CTDSPL: variants seen among roughly 807,000 people sequenced by gnomAD.
CTDSPL encodes the protein CTD small phosphatase-like protein.
A neutral mutation model predicts 30.5 loss-of-function variants in CTDSPL; 8 were observed. That is an observed-to-expected ratio of 0.26 (90% confidence interval 0.15 to 0.47). CTDSPL has a LOEUF of 0.47. CTDSPL is among the 20% of genes least tolerant of loss of function. CTDSPL has a pLI of 0.99. For synonymous variants in CTDSPL, 110 were observed against 137.9 expected, an observed-to-expected ratio of 0.80 and a Z score of 1.42; for missense variants, 248 against 366.1, an observed-to-expected ratio of 0.68 and a Z score of 2.63.
At chr3:37,950,196 C>T (rs979214490) in intron 2 of CTDSPL, among the ~76,000 whole-genome samples, 5 of 152,186 alleles carry the variant, frequency 3.3e-5, no homozygotes, top group Admixed American at 1.3e-4. Context: ...GCCATGAAAA[C>T]AGCACTCCTT....
intron 1 of CTDSPL, among the ~76,000 whole-genome samples, chr3:37,919,440 G>A (rs1018393541): frequency 1.3e-5 from 2 of 152,174 alleles, no homozygotes; most frequent in Admixed American, 1.3e-4. Context: ...CAACATGACA[G>A]AAAGACAGGT....
In CTDSPL at chr3:37,862,239, A is replaced by C. The variant is rs596962; in HGVS notation, c.40A>C (p.Lys14Gln). Reference protein sequence around the residue: ...PAIITQVTNPKEDEGRLPGAG... With the variant: ...PAIITQVTNPQEDEGRLPGAG... ...CATCATCACCCAGGTGACCAACCCC[A>C]AGGAGGACGAGGGCCGGTTGCCGGG... Residue 14 changes from lysine (K) to glutamine (Q), a missense_variant, in exon 1 of 8, where the codon AAG (lysine) becomes CAG (glutamine). Lys to Gln is a moderately conservative substitution (Grantham distance 53). Around this residue, in one of 4 missense-constraint regions of CTDSPL, gnomAD observed 118 missense variants for 124.7 expected, o/e 0.95. Coordinates refer to ENST00000273179, the MANE Select transcript of CTDSPL (RefSeq NM_001008392.2). The surrounding 1 kb of genome is among the most constrained non-coding windows in gnomAD (Gnocchi z 4.3). The C allele has an allele frequency of 1.3e-6, 2 of 1,484,008 alleles. No homozygotes were observed. Among genetic ancestry groups the C allele is most frequent in the East Asian group, 2.9e-5 (1 of 34,428 alleles). The allele number at this position is 1,484,008 out of a possible 1,614,324, so 91.9% of individuals were successfully genotyped here. A position where few individuals can be genotyped will look rare whatever the true frequency, so the allele number is the denominator to read the frequency against.
At chr3:37,908,986 G>A (rs560797179) in intron 1 of CTDSPL, among the ~76,000 whole-genome samples, 36 of 152,192 alleles carry the variant, frequency 2.4e-4, no homozygotes, top group African/African-American at 7.7e-4. Flanking sequence ...AGTCTTTGTC[G>A]TAATTACTAC....
intron 1 of CTDSPL, among the ~76,000 whole-genome samples, chr3:37,931,252 A>G (rs1193759225): frequency 1.3e-5 from 2 of 151,694 alleles, no homozygotes; most frequent in South Asian, 4.2e-4. Context: ...GGCTCAAGCA[A>G]TCCTCCCACC....
intron 1 of CTDSPL, among the ~76,000 whole-genome samples, chr3:37,901,613 T>C (rs1698451519): frequency 6.6e-6 from 1 of 152,218 alleles, no homozygotes; most frequent in Non-Finnish European, 1.5e-5. Context: ...TGATATGTCA[T>C]GTGCTTTACC....
chr3:37,983,546 A>G lies in CTDSPL; in HGVS notation c.*2679A>G, dbSNP rs1016522849. ...CCCCCAACTCTTTAGCCAAAAGAGAACCCTGACCTCCTGAGTTTCCATGCT... is the reference window on the plus strand; with the variant it reads ...CCCCCAACTCTTTAGCCAAAAGAGAGCCCTGACCTCCTGAGTTTCCATGCT... On this transcript the variant is annotated 3_prime_UTR_variant, in exon 8 of 8. Coordinates refer to ENST00000273179, the MANE Select transcript of CTDSPL (RefSeq NM_001008392.2). 1 of 152,648 alleles carries G rather than the reference A, an allele frequency of 6.6e-6. No individual in the cohort carries two copies. Among genetic ancestry groups the G allele is most frequent in the Non-Finnish European group, 1.5e-5 (1 of 68,054 alleles). The allele number at this position is 152,648 out of a possible 1,614,324, so 9.5% of individuals were successfully genotyped here. A position where few individuals can be genotyped will look rare whatever the true frequency, so the allele number is the denominator to read the frequency against.
chr3:37,928,314 C>T (rs1373098750), intron 1 of CTDSPL, among the ~76,000 whole-genome samples: 1 of 152,224 alleles, frequency 6.6e-6, no homozygotes, highest in Non-Finnish European at 1.5e-5. Flanking sequence ...TACTGTTTTC[C>T]ACAGCAGCTA....
rs1697956495 is a variant in CTDSPL, at chr3:37,862,605, T to G, written c.79+327T>G. 6.6e-6 allele frequency among the ~76,000 whole-genome samples: 1 copy of G among 152,140 alleles called. No homozygotes were observed. Among genetic ancestry groups the G allele is most frequent in the African/African-American group, 2.4e-5 (1 of 41,422 alleles). On this transcript the variant is annotated intron_variant, in intron 1 of 7. Coordinates refer to ENST00000273179, the MANE Select transcript of CTDSPL (RefSeq NM_001008392.2). The surrounding 1 kb of genome is among the most constrained non-coding windows in gnomAD (Gnocchi z 4.3). ...ACACAGAGGTTCTAAGTGTGTGCAC[T>G]TGTATGTGTGTGTGCACACGCGGAC... is the stretch of plus-strand genomic sequence containing the variant.
At chr3:37,909,196 A>G (rs772091659) in intron 1 of CTDSPL, among the ~76,000 whole-genome samples, 18 of 152,232 alleles carry the variant, frequency 1.2e-4, no homozygotes, top group Non-Finnish European at 1.9e-4. Flanking sequence ...CTTTGAAGGT[A>G]GACAAAGCCA....
intron 1 of CTDSPL, among the ~76,000 whole-genome samples, chr3:37,886,755 G>A (rs1438767749): frequency 1.3e-5 from 2 of 152,168 alleles, no homozygotes; most frequent in African/African-American, 4.8e-5. Context: ...AAGCCCCAGA[G>A]ACCAAAACAG....
At chr3:37,929,181 C>T (rs1356164041) in intron 1 of CTDSPL, among the ~76,000 whole-genome samples, 6 of 152,182 alleles carry the variant, frequency 3.9e-5, no homozygotes. Flanking sequence ...ATTACCATAG[C>T]TTTGTAATTT....
intron 7 of CTDSPL, among the ~76,000 whole-genome samples, chr3:37,976,148 T>C (rs1699425277): frequency 6.6e-6 from 1 of 151,998 alleles, no homozygotes; most frequent in African/African-American, 2.4e-5. Flanking sequence ...AGTGTGGCAA[T>C]ATATAAAAAG....
At chr3:37,944,686 G>A (rs976453731) in intron 1 of CTDSPL, 1 of 150,250 alleles carries the variant, frequency 6.7e-6, no homozygotes, top group Non-Finnish European at 1.5e-5. Flanking sequence ...CCTCCAAGAG[G>A]TTCCTGCAGG....
At chr3:37,873,316 G>T (rs551681700) in intron 1 of CTDSPL, among the ~76,000 whole-genome samples, 45 of 152,180 alleles carry the variant, frequency 3.0e-4, no homozygotes, top group Admixed American at 6.5e-4. Flanking sequence ...TTTCTGTCTT[G>T]CTAGACTGCC....
intron 1 of CTDSPL, among the ~76,000 whole-genome samples, chr3:37,923,609 A>G (rs530170351): frequency 1.3e-5 from 2 of 152,348 alleles, no homozygotes; most frequent in East Asian, 3.9e-4. Flanking sequence ...AGGTTAAGGA[A>G]CAAATAACTT....
intron 1 of CTDSPL, among the ~76,000 whole-genome samples, chr3:37,889,138 T>G (rs1349860110): frequency 1.3e-5 from 2 of 152,184 alleles, no homozygotes; most frequent in African/African-American, 4.8e-5. Flanking sequence ...GATGGCTGAG[T>G]AGCAGGCAGT....
intron 6 of CTDSPL, among the ~76,000 whole-genome samples, chr3:37,974,832 G>T (rs1443170355): frequency 6.6e-6 from 1 of 152,154 alleles, no homozygotes; most frequent in Non-Finnish European, 1.5e-5. Flanking sequence ...CCTCTAGGGG[G>T]CAGTGTCATG....
At chr3:37,880,116 T>TTA (rs1277711873) in intron 1 of CTDSPL, among the ~76,000 whole-genome samples, 5 of 147,860 alleles carry the variant, frequency 3.4e-5, no homozygotes, top group African/African-American at 4.9e-5. Context: ...CCAAGTAATA[T>TTA]TATATATATA....
intron 7 of CTDSPL, among the ~76,000 whole-genome samples, chr3:37,977,275 C>T (rs764987531): frequency 1.3e-5 from 2 of 152,150 alleles, no homozygotes; most frequent in Non-Finnish European, 2.9e-5. Context: ...TCATATTGTC[C>T]CTATCATCTC....
Sources: allele counts gnomAD v4.1 joint callset (sites outside exome capture counted in the v4.1 genomes callset), GRCh38; gene constraint gnomAD v4.1.1; regional missense constraint gnomAD v4.1.1; non-coding constraint Gnocchi (gnomAD v3.1); transcripts MANE v1.5; gene names NCBI Gene and HGNC (gene_info 2026-07-23, HGNC 2026-07-21).